Variants in CLYBL observed in about 807,000 individuals in gnomAD.
CLYBL encodes the protein citramalyl-CoA lyase, also known as citramalyl-CoA lyase, mitochondrial.
CLYBL carries 31 observed loss-of-function variants against 38.9 expected under a neutral mutation model. The ratio of observed to expected loss-of-function variants is 0.80; its 90% CI spans 0.60 to 1.08. The LOEUF (loss-of-function observed/expected upper bound fraction) is 1.08. CLYBL is among the 50% of genes least tolerant of loss of function. The probability of loss-of-function intolerance (pLI) is 0.00; values close to 1 mark genes in which losing one functional copy is unlikely to be tolerated. For missense variants in CLYBL, 434 were observed against 411.6 expected (o/e 1.05, Z -0.47); for synonymous variants, 171 against 158.6 (o/e 1.08, Z -0.59).
intron 1 of CLYBL, among the ~76,000 whole-genome samples, chr13:99,757,953 C>T (rs1313810625): frequency 6.6e-6 from 1 of 152,176 alleles, no homozygotes; most frequent in Non-Finnish European, 1.5e-5. Context: ...TGTCTATACG[C>T]AGATTCTCTG....
chr13:99,723,578 C>T lies in CLYBL; in HGVS notation c.63-49246C>T, dbSNP rs961331503. Among the ~76,000 whole-genome samples, 11 of 152,214 alleles carry T rather than the reference C, an allele frequency of 7.2e-5. No homozygotes were observed. The East Asian group carries it at 9.7e-4, about 13-fold the overall frequency. Reference sequence around the variant, plus strand: ...CGTAATGTGAGTCAAGAGGAAAATCCGTAGTTTCTCTCTGGAAATTTCTTG... The same window carrying T: ...CGTAATGTGAGTCAAGAGGAAAATCTGTAGTTTCTCTCTGGAAATTTCTTG... On this transcript the variant is annotated intron_variant, in intron 1 of 8. Coordinates refer to ENST00000339105, the MANE Select transcript of CLYBL (RefSeq NM_206808.5).
At chr13:99,855,980 A>T (rs2051450158) in intron 2 of CLYBL, among the ~76,000 whole-genome samples, 1 of 152,182 alleles carries the variant, frequency 6.6e-6, no homozygotes, top group African/African-American at 2.4e-5. Flanking sequence ...CAGAATGATG[A>T]AGTGTAAAGA....
intron 2 of CLYBL, among the ~76,000 whole-genome samples, chr13:99,833,276 C>G: frequency 6.6e-6 from 1 of 151,266 alleles, no homozygotes. Flanking sequence ...CTCTTGACTT[C>G]ATGATCCAGC....
intron 1 of CLYBL, among the ~76,000 whole-genome samples, chr13:99,733,898 C>CA (rs2048628412): frequency 6.6e-6 from 1 of 152,164 alleles, no homozygotes; most frequent in Non-Finnish European, 1.5e-5. Flanking sequence ...AGCGTAACCC[C>CA]AAATCTTTCA....
At chr13:99,730,999 C>G (rs901410887) in intron 1 of CLYBL, among the ~76,000 whole-genome samples, 3 of 147,226 alleles carry the variant, frequency 2.0e-5, no homozygotes, top group African/African-American at 7.5e-5. Context: ...AGGAGAATCA[C>G]TTGAGCCCCG....
At chr13:99,829,211 C>CT (rs2050756906) in intron 2 of CLYBL, among the ~76,000 whole-genome samples, 1 of 152,230 alleles carries the variant, frequency 6.6e-6, no homozygotes, top group South Asian at 2.1e-4. Context: ...TTAGTCACCA[C>CT]CTCTTGTGAA....
intron 1 of CLYBL, among the ~76,000 whole-genome samples, chr13:99,645,358 C>T (rs1405725263): frequency 4.6e-5 from 7 of 152,022 alleles, no homozygotes; most frequent in Middle Eastern, 3.4e-3. Flanking sequence ...CTTAGCTGGG[C>T]GTGGTGGCGG....
chr13:99,779,179 G>T lies in CLYBL; in HGVS notation c.249+6169G>T, dbSNP rs150328099. Among the ~76,000 whole-genome samples the T allele has an allele frequency of 1.0e-3, 152 of 152,236 alleles. 3 individuals carry two copies. In the East Asian group the frequency reaches 0.029, roughly 29 times the overall value. ...TTTTTTGAGAAGGAGTCTCGCTGTTGTCGCCCGGGCTGGAGTGCAATGGTA... is the reference window on the plus strand; with the variant it reads ...TTTTTTGAGAAGGAGTCTCGCTGTTTTCGCCCGGGCTGGAGTGCAATGGTA... On this transcript the variant is annotated intron_variant, in intron 2 of 8. Coordinates refer to ENST00000339105, the MANE Select transcript of CLYBL (RefSeq NM_206808.5).
chr13:99,870,919 G>A lies in CLYBL; in HGVS notation c.803-19G>A. On this transcript the variant is annotated intron_variant, in intron 6 of 8. Transcript: ENST00000339105. ...CTGTTCGTTGTTTCGTGGTTCCGAT[G>A]TTATTAATATTCTTGTAGGTAAGCA... 1 of 1,584,360 alleles carries A rather than the reference G, an allele frequency of 6.3e-7. No homozygotes were observed. The highest frequency in any genetic ancestry group is 8.6e-7 in the Non-Finnish European group (1 of 1,168,256).
intron 1 of CLYBL, among the ~76,000 whole-genome samples, chr13:99,732,819 A>T (rs2048613156): frequency 6.6e-6 from 1 of 152,220 alleles, no homozygotes; most frequent in Non-Finnish European, 1.5e-5. Context: ...AAAGATATTT[A>T]AAAATACATC....
At chr13:99,607,006 AG>A (rs1334381673) in intron 1 of CLYBL, among the ~76,000 whole-genome samples, 1 of 152,196 alleles carries the variant, frequency 6.6e-6, no homozygotes, top group African/African-American at 2.4e-5. Context: ...ACCTGGACTC[AG>A]CCCCAGGAAA....
At chr13:99,695,131 T>C (rs2047959997) in intron 1 of CLYBL, among the ~76,000 whole-genome samples, 1 of 152,172 alleles carries the variant, frequency 6.6e-6, no homozygotes, top group Middle Eastern at 3.2e-3. Context: ...AATATTCATA[T>C]TTAAAAGTTC....
At chr13:99,758,612 G>C (rs547655996) in intron 1 of CLYBL, among the ~76,000 whole-genome samples, 86 of 152,180 alleles carry the variant, frequency 5.7e-4, no homozygotes, top group Non-Finnish European at 9.4e-4. Flanking sequence ...CAGCAGGAAG[G>C]GAGGAGGGAG....
chr13:99,799,178 G>C (rs1271618308), intron 2 of CLYBL, among the ~76,000 whole-genome samples: 2 of 152,130 alleles, frequency 1.3e-5, no homozygotes, highest in Non-Finnish European at 2.9e-5. Context: ...TGTGAAGTCA[G>C]TAATGCTTTT....
intron 2 of CLYBL, among the ~76,000 whole-genome samples, chr13:99,841,904 C>CA (rs2051092785): frequency 6.7e-6 from 1 of 148,342 alleles, no homozygotes; most frequent in African/African-American, 2.5e-5. Flanking sequence ...CAACCTCCAC[C>CA]TCCCAGGTTC....
chr13:99,606,729 G>GGAGGGCGGCGCGCA lies in CLYBL; in HGVS notation c.37_38insGGCGGCGCGCAGAG (p.Ala13GlyfsTer12). 1 of 1,489,196 alleles carries GGAGGGCGGCGCGCA rather than the reference G, an allele frequency of 6.7e-7. No individual in the cohort carries two copies. The highest frequency in any genetic ancestry group is 1.3e-5 in the South Asian group (1 of 78,466). 92.2% of individuals were successfully genotyped at this position (1,489,196 alleles called of 1,614,324 possible). On this transcript the variant is annotated frameshift_variant, in exon 1 of 9. Transcript: ENST00000339105. LOFTEE classifies it high-confidence loss of function. ...ACGTCTGCTGCGGAGGGCGGCGCGC[G>GGAGGGCGGCGCGCA]GAGCTGCGGCGGCGGCGCTGCTGAG...
chr13:99,800,656 C>G (rs2050113133), intron 2 of CLYBL, among the ~76,000 whole-genome samples: 1 of 152,076 alleles, frequency 6.6e-6, no homozygotes, highest in African/African-American at 2.4e-5. Context: ...GGTGGATCAC[C>G]TGAGGTCAGG....
At position 99,849,651 on chromosome 13, in the gene CLYBL, G is replaced by A. The variant is rs781149881; in HGVS notation, c.250-9210G>A. Among the ~76,000 whole-genome samples the A allele has an allele frequency of 5.3e-5, 8 of 152,344 alleles. No individual in the cohort carries two copies. The highest frequency in any genetic ancestry group is 3.4e-3 in the Middle Eastern group (1 of 294). ...GAGTTTGAGTCAGAGGTGCCTCAGA[G>A]GCCCATAAGGATGCCTGTCAAGGTC... On this transcript the variant is annotated intron_variant, in intron 2 of 8. Transcript: ENST00000339105. This position sits in a 1 kb window ranked among gnomAD's most constrained non-coding sequence, Gnocchi z 4.9.
chr13:99,864,907 C>T lies in CLYBL; in HGVS notation c.630C>T (p.Ser210=). The T allele has an allele frequency of 6.2e-7, 1 of 1,607,200 alleles. No individual in the cohort carries two copies. The highest frequency in any genetic ancestry group is 8.5e-7 in the Non-Finnish European group (1 of 1,174,056). The change falls in exon 5 of 9, where the codon AGC becomes AGT. Residue 210 remains serine, a synonymous_variant. Transcript: ENST00000339105. ...TTGGAGGAGAAGACTTTCGAGCCAG[C>T]ATAGGTGTCAAAGACATCTCTCTCT... ...VVFGGEDFRA[S]IGATSSKETL...
Sources: allele counts gnomAD v4.1 joint callset (sites outside exome capture counted in the v4.1 genomes callset), GRCh38; gene constraint gnomAD v4.1.1; non-coding constraint Gnocchi (gnomAD v3.1); transcripts MANE v1.5; gene names NCBI Gene and HGNC (gene_info 2026-07-23, HGNC 2026-07-21).